ARHGAP6: variants seen among roughly 807,000 people sequenced by gnomAD.
ARHGAP6 encodes Rho GTPase activating protein 6.
A neutral mutation model predicts 55.7 loss-of-function variants in ARHGAP6; 16 were observed. That is an observed-to-expected ratio of 0.29 (90% CI 0.19 to 0.44). ARHGAP6 has a LOEUF of 0.44. ARHGAP6 is among the 20% of genes least tolerant of loss of function. The pLI, the probability that ARHGAP6 is intolerant of heterozygous loss-of-function variation, is 1.00. For synonymous variants in ARHGAP6, 382 were observed against 360.9 expected (o/e 1.06, Z -0.66); for missense variants, 698 against 808.9 (o/e 0.86, Z 1.66).
At chrX:11,324,095 C>G (rs188710320) in intron 1 of ARHGAP6, among the ~76,000 whole-genome samples, 2 of 111,521 alleles carry the variant, frequency 1.8e-5, no homozygotes, top group Non-Finnish European at 3.8e-5. Context: ...GCAAACTTTA[C>G]GCCCTAAAGT....
intron 2 of ARHGAP6, among the ~76,000 whole-genome samples, chrX:11,215,585 CTT>C (rs1569259272): frequency 8.9e-6 from 1 of 112,988 alleles, no homozygotes; most frequent in African/African-American, 3.2e-5. Context: ...CTTACTGTAT[CTT>C]TGCACTCACA....
chrX:11,528,578 T>C (rs1407848588), intron 1 of ARHGAP6, among the ~76,000 whole-genome samples: 1 of 112,155 alleles, frequency 8.9e-6, no homozygotes, highest in African/African-American at 3.2e-5. Flanking sequence ...CCACAGACTG[T>C]TATCAATGCA....
intron 1 of ARHGAP6, among the ~76,000 whole-genome samples, chrX:11,348,059 C>G (rs749848222): frequency 7.1e-5 from 8 of 112,202 alleles, no homozygotes; most frequent in Non-Finnish European, 1.1e-4. Context: ...TTATTTGTAT[C>G]TCATCTGATG....
chrX:11,628,270 G>A (rs766300393), intron 1 of ARHGAP6, among the ~76,000 whole-genome samples: 2 of 112,109 alleles, frequency 1.8e-5, no homozygotes, highest in Non-Finnish European at 3.8e-5. Context: ...TCATGGCTAA[G>A]CTTCTGAAAT....
intron 1 of ARHGAP6, among the ~76,000 whole-genome samples, chrX:11,647,474 C>T (rs1460546506): frequency 8.9e-6 from 1 of 112,184 alleles, no homozygotes; most frequent in East Asian, 2.8e-4. Flanking sequence ...AAGCAATAGC[C>T]TGCCAGAGAG....
At chrX:11,338,679 A>G (rs1039560104) in intron 1 of ARHGAP6, among the ~76,000 whole-genome samples, 9 of 112,102 alleles carry the variant, frequency 8.0e-5, no homozygotes, top group African/African-American at 2.6e-4. Flanking sequence ...TTCACTTCCC[A>G]GACACTCCTT....
At chrX:11,451,685 G>C (rs2050145285) in intron 1 of ARHGAP6, among the ~76,000 whole-genome samples, 1 of 111,587 alleles carries the variant, frequency 9.0e-6, no homozygotes, top group Non-Finnish European at 1.9e-5. Context: ...TCACTCCCCT[G>C]CTCCCCAGAG....
chrX:11,357,350 A>T (rs1182978758), intron 1 of ARHGAP6, among the ~76,000 whole-genome samples: 1 of 111,973 alleles, frequency 8.9e-6, no homozygotes, highest in Admixed American at 9.5e-5. Context: ...ATTGGACTTA[A>T]TCACTTCCAA....
intron 1 of ARHGAP6, among the ~76,000 whole-genome samples, chrX:11,534,204 T>C (rs1211987737): frequency 1.8e-5 from 2 of 111,713 alleles, no homozygotes; most frequent in African/African-American, 6.5e-5. Context: ...GCAATAGTGC[T>C]CTCATGGGAA....
chrX:11,597,024 C>T (rs1374123007), intron 1 of ARHGAP6, among the ~76,000 whole-genome samples: 4 of 111,687 alleles, frequency 3.6e-5, no homozygotes, highest in African/African-American at 1.3e-4. Flanking sequence ...GACTCCTTCC[C>T]CCACTCAGTC....
At chrX:11,644,004 A>T (rs1018363977) in intron 1 of ARHGAP6, among the ~76,000 whole-genome samples, 30 of 111,878 alleles carry the variant, frequency 2.7e-4, no homozygotes, top group Non-Finnish European at 5.5e-4. Flanking sequence ...TGCAAAATTA[A>T]CTATCCATTG....
intron 1 of ARHGAP6, among the ~76,000 whole-genome samples, chrX:11,592,642 T>C (rs1331882246): frequency 8.9e-6 from 1 of 111,913 alleles, no homozygotes; most frequent in African/African-American, 3.2e-5. Flanking sequence ...TAGTATATAC[T>C]AGTGATAAAA....
intron 1 of ARHGAP6, among the ~76,000 whole-genome samples, chrX:11,353,491 T>G (rs2048887021): frequency 9.0e-6 from 1 of 110,680 alleles, no homozygotes; most frequent in South Asian, 3.9e-4. Flanking sequence ...TTGAGCTATT[T>G]GCTAGGGTGT....
chrX:11,479,019 T>C (rs2050430362), intron 1 of ARHGAP6, among the ~76,000 whole-genome samples: 1 of 112,161 alleles, frequency 8.9e-6, no homozygotes, highest in South Asian at 3.7e-4. Flanking sequence ...AGGCAGGCAA[T>C]GGGGCTATTG....
intron 1 of ARHGAP6, among the ~76,000 whole-genome samples, chrX:11,291,971 G>A (rs988049385): frequency 1.6e-4 from 18 of 111,251 alleles, no homozygotes; most frequent in Non-Finnish European, 2.8e-4. Flanking sequence ...AACATTTACT[G>A]TATGCCAGCT....
chrX:11,143,835 G>C (rs2045651798), intron 11 of ARHGAP6, 145 bp downstream of exon 11: 2 of 1,182,020 alleles, frequency 1.7e-6, no homozygotes, highest in African/African-American at 3.6e-5. Context: ...CGTTCAGCAG[G>C]TACTCGGTAA....
intron 1 of ARHGAP6, among the ~76,000 whole-genome samples, chrX:11,460,539 G>C (rs1197346016): frequency 2.7e-5 from 3 of 111,250 alleles, no homozygotes; most frequent in African/African-American, 9.8e-5. Flanking sequence ...GCCACTAGGT[G>C]GTACTCTCTT....
At position 11,548,780 on chromosome X, in the gene ARHGAP6, T is replaced by C. The variant is rs776266551; in HGVS notation, c.588+115461A>G. Among the ~76,000 whole-genome samples, 6 of 110,905 alleles carry C rather than the reference T, an allele frequency of 5.4e-5. No individual in the cohort carries two copies. In the East Asian group the frequency reaches 1.1e-3, roughly 21 times the overall value. ...TGCACCACCACACCCAGCTAATTTT[T>C]GTATTTTTAGTGGAGACGGGGTTTC... On this transcript the variant is annotated intron_variant, in intron 1 of 12. Transcript: ENST00000337414.
chrX:11,255,115 C>T (rs941612003), intron 1 of ARHGAP6, among the ~76,000 whole-genome samples: 1 of 111,635 alleles, frequency 9.0e-6, no homozygotes, highest in East Asian at 2.8e-4. Flanking sequence ...CATGTGCCAG[C>T]GGCTGCACCA....
Sources: gnomAD v4.1 joint callset for allele counts (sites outside exome capture counted in the v4.1 genomes callset) on GRCh38, gnomAD v4.1.1 for gene constraint, MANE v1.5 for transcripts, NCBI Gene and HGNC (gene_info 2026-07-23, HGNC 2026-07-21) for gene names.